Variants in LRP1B observed in about 807,000 individuals in gnomAD.
The protein encoded by LRP1B is LDL receptor related protein 1B, also known as low-density lipoprotein receptor-related protein 1B.
Under a neutral mutation model 556.6 loss-of-function variants are expected in LRP1B, and 217 were observed. That is an observed-to-expected ratio of 0.39 (90% CI 0.35 to 0.44). The LOEUF is 0.44. Among genes scored for constraint, LRP1B ranks in the 20% least tolerant of loss-of-function variants. The pLI is 1.00. For synonymous variants in LRP1B, 2,047 were observed against 1,865.8 expected, an observed-to-expected ratio of 1.10 and a Z score of -2.50; for missense variants, 5,053 against 5,620.8, an observed-to-expected ratio of 0.90 and a Z score of 3.23.
chr2:140,765,933 C>T (rs1399637098), intron 35 of LRP1B, among the ~76,000 whole-genome samples: 2 of 151,960 alleles, frequency 1.3e-5, no homozygotes, highest in African/African-American at 2.4e-5. Flanking sequence ...TTAATGGGTG[C>T]AGCACACCAA....
intron 1 of LRP1B, among the ~76,000 whole-genome samples, chr2:141,950,521 A>T (rs1434564540): frequency 6.6e-6 from 1 of 152,192 alleles, no homozygotes. Flanking sequence ...TTTGAATTAT[A>T]TAGTCTTTGA....
Position 141,111,826 on chromosome 2 carries a change from G to A in LRP1B, c.1014-49553C>T, listed in dbSNP as rs113006727. Among the ~76,000 whole-genome samples the A allele has an allele frequency of 3.5e-3, 532 of 151,932 alleles. 2 individuals are homozygous for A. The highest frequency in any genetic ancestry group is 0.012 in the African/African-American group (493 of 41,446). Reference sequence around the variant, plus strand: ...AGCACTTTGGGAGGCCGAAGCAGGCGGATCACAAGGAGATCGAGACCATCC... The same window carrying A: ...AGCACTTTGGGAGGCCGAAGCAGGCAGATCACAAGGAGATCGAGACCATCC... On this transcript the variant is annotated intron_variant, in intron 7 of 90. Transcript: ENST00000389484.
chr2:141,714,716 G>A (rs1189368775), intron 2 of LRP1B, among the ~76,000 whole-genome samples: 1 of 152,058 alleles, frequency 6.6e-6, no homozygotes, highest in African/African-American at 2.4e-5. Flanking sequence ...TTGGAACAGA[G>A]GAAACTTAAG....
At chr2:140,751,746 C>T (rs938241822) in intron 35 of LRP1B, among the ~76,000 whole-genome samples, 1 of 152,094 alleles carries the variant, frequency 6.6e-6, no homozygotes, top group Non-Finnish European at 1.5e-5. Flanking sequence ...AGTTTATCAA[C>T]CTTTAAAAAG....
intron 37 of LRP1B, among the ~76,000 whole-genome samples, chr2:140,708,010 C>T (rs986278535): frequency 2.6e-5 from 4 of 152,024 alleles, no homozygotes; most frequent in Non-Finnish European, 5.9e-5. Flanking sequence ...TCAACAAATA[C>T]TTCATTAGGT....
intron 2 of LRP1B, among the ~76,000 whole-genome samples, chr2:141,761,188 A>G (rs181367500): frequency 6.6e-6 from 1 of 152,292 alleles, no homozygotes; most frequent in Non-Finnish European, 1.5e-5. Context: ...TTGCTTATCT[A>G]TTATCAGTTG....
rs146511669 is a variant in LRP1B, at chr2:140,988,669, T to C, written c.2770+863A>G. On this transcript the variant is annotated intron_variant, in intron 17 of 90. Transcript: ENST00000389484. ...CTTCTCAACCCCTGGGTCTTCTCTC[T>C]AGAGGTTGCCCTGTATTTTTCACTG... Among the ~76,000 whole-genome samples, 533 of 152,312 alleles carry C rather than the reference T, an allele frequency of 3.5e-3. 4 individuals carry two copies. The highest frequency in any genetic ancestry group is 0.012 in the African/African-American group (516 of 41,594).
intron 46 of LRP1B, among the ~76,000 whole-genome samples, chr2:140,534,857 C>T (rs1275900395): frequency 2.0e-5 from 3 of 152,060 alleles, no homozygotes; most frequent in Admixed American, 1.3e-4. Context: ...CTAGTTGTTT[C>T]GTAGTGGAAA....
rs1434261135 is a variant in LRP1B at position 140,345,767 on chromosome 2, CACATATATAT to C, written c.11892+5020_11892+5029del. 4.9e-5 allele frequency among the ~76,000 whole-genome samples: 6 copies of C among 121,906 alleles called. No individual in the cohort carries two copies. The South Asian group carries it at 6.8e-4, about 14-fold the overall frequency. 80.0% of individuals were successfully genotyped at this position (121,906 alleles called of 152,430 possible). On this transcript the variant is annotated intron_variant, in intron 77 of 90. Transcript: ENST00000389484. ...ATATATACACATATATACATATATACACATATATATACATATATATACACATATATACATA... is the reference window on the plus strand; with the variant it reads ...ATATATACACATATATACATATATACACATATATATACACATATATACATA...
chr2:140,666,750 T>C (rs372815235), intron 41 of LRP1B, among the ~76,000 whole-genome samples: 1 of 152,210 alleles, frequency 6.6e-6, no homozygotes, highest in Admixed American at 6.5e-5. Flanking sequence ...AAAAGTTGAA[T>C]GTATTTGTCC....
intron 18 of LRP1B, among the ~76,000 whole-genome samples, chr2:140,957,670 T>C (rs35638394): frequency 0.016 from 2,383 of 151,624 alleles, 26 homozygotes; most frequent in Non-Finnish European, 0.026. Flanking sequence ...GAGTGAATGA[T>C]ATATAAAAAC....
At chr2:140,697,700 T>C (rs1464937581) in intron 41 of LRP1B, among the ~76,000 whole-genome samples, 1 of 152,050 alleles carries the variant, frequency 6.6e-6, no homozygotes, top group African/African-American at 2.4e-5. Flanking sequence ...GACAAATACA[T>C]GATGATTCCA....
chr2:141,247,155 C>T (rs2105326588), intron 5 of LRP1B, 71 bp downstream of exon 5: 1 of 1,567,330 alleles, frequency 6.4e-7, no homozygotes, highest in South Asian at 1.1e-5. Context: ...TACCACATCT[C>T]TAATGAAAAA....
intron 82 of LRP1B, among the ~76,000 whole-genome samples, chr2:140,319,557 G>C (rs1258159924): frequency 6.6e-6 from 1 of 152,144 alleles, no homozygotes; most frequent in Non-Finnish European, 1.5e-5. Context: ...TCACTTATTA[G>C]TGGGAGCTAA....
At chr2:141,898,332 G>A (rs185874840) in intron 1 of LRP1B, among the ~76,000 whole-genome samples, 54 of 152,228 alleles carry the variant, frequency 3.5e-4, no homozygotes, top group Non-Finnish European at 5.6e-4. Context: ...GCTCCCATGT[G>A]TGGTTAAAAC....
intron 2 of LRP1B, among the ~76,000 whole-genome samples, chr2:141,646,696 C>T (rs1380457916): frequency 1.3e-5 from 2 of 152,040 alleles, no homozygotes; most frequent in African/African-American, 2.4e-5. Context: ...TCAAGTAGTA[C>T]TCAGGAGAAT....
At chr2:140,964,329 C>G (rs1425795712) in intron 18 of LRP1B, among the ~76,000 whole-genome samples, 8 of 152,160 alleles carry the variant, frequency 5.3e-5, no homozygotes, top group Non-Finnish European at 1.0e-4. Context: ...CTCCGGATAA[C>G]TGCGGGCGAG....
chr2:141,501,098 C>A (rs1683695182), intron 2 of LRP1B, among the ~76,000 whole-genome samples: 1 of 152,078 alleles, frequency 6.6e-6, no homozygotes, highest in Non-Finnish European at 1.5e-5. Context: ...AATAGGACTT[C>A]TTGCAAAGTT....
chr2:141,482,627 A>G (rs1243808334), intron 2 of LRP1B, among the ~76,000 whole-genome samples: 2 of 152,150 alleles, frequency 1.3e-5, no homozygotes, highest in African/African-American at 4.8e-5. Flanking sequence ...TCTTATGTTT[A>G]TAATATTAAC....
Sources: allele counts gnomAD v4.1 joint callset (sites outside exome capture counted in the v4.1 genomes callset), GRCh38; gene constraint gnomAD v4.1.1; transcripts MANE v1.5; gene names NCBI Gene and HGNC (gene_info 2026-07-23, HGNC 2026-07-21).